The following AGBL1 variants were observed in gnomAD, a reference collection of about 807,000 sequenced individuals.
The protein encoded by AGBL1 is cytosolic carboxypeptidase 4.
A neutral mutation model predicts 118.9 loss-of-function variants in AGBL1; 130 were observed. The observed-to-expected ratio is 1.09, with a 90% CI of 0.95 to 1.26. The LOEUF (loss-of-function observed/expected upper bound fraction) is 1.26, where lower values mean the gene tolerates loss of function less well. Among genes scored for constraint, AGBL1 ranks in the 50% most tolerant of loss-of-function variants. The pLI is 0.00. For synonymous variants in AGBL1, 555 were observed against 478.9 expected, an observed-to-expected ratio of 1.16 and a Z score of -2.08; for missense variants, 1,584 against 1,298.1, an observed-to-expected ratio of 1.22 and a Z score of -3.38.
chr15:86,823,391 A>G (rs932806484), intron 22 of AGBL1, among the ~76,000 whole-genome samples: 8 of 152,266 alleles, frequency 5.3e-5, no homozygotes, highest in African/African-American at 1.4e-4. Context: ...CTGCAGGACA[A>G]CAGTCTGTCA....
chr15:86,141,165 T>C (rs1404393131), intron 1 of AGBL1, among the ~76,000 whole-genome samples: 1 of 152,220 alleles, frequency 6.6e-6, no homozygotes, highest in African/African-American at 2.4e-5. Context: ...ACACTGTCTC[T>C]GAATTCAGGG....
At chr15:86,785,621 G>T (rs188085221) in intron 22 of AGBL1, among the ~76,000 whole-genome samples, 1 of 152,176 alleles carries the variant, frequency 6.6e-6, no homozygotes, top group African/African-American at 2.4e-5. Flanking sequence ...ACCCGCCTTG[G>T]CCCCCCGAAG....
At chr15:86,370,895 C>T (rs80085385) in intron 17 of AGBL1, among the ~76,000 whole-genome samples, 2,442 of 152,334 alleles carry the variant, frequency 0.016, 26 homozygotes, top group Middle Eastern at 0.065. Context: ...AAAGTGATCA[C>T]AGAAGGCACC....
At chr15:86,793,433 G>T (rs373643398) in intron 22 of AGBL1, among the ~76,000 whole-genome samples, 64 of 152,246 alleles carry the variant, frequency 4.2e-4, no homozygotes, top group African/African-American at 1.5e-3. Context: ...GCAAAAGAAT[G>T]AATTTGGACC....
intron 22 of AGBL1, among the ~76,000 whole-genome samples, chr15:86,894,232 A>G (rs757540511): frequency 6.6e-6 from 1 of 152,192 alleles, no homozygotes; most frequent in Non-Finnish European, 1.5e-5. Context: ...GCATGATGCT[A>G]TAATGCTATT....
At chr15:86,865,077 G>A (rs2141488606) in intron 22 of AGBL1, among the ~76,000 whole-genome samples, 1 of 152,264 alleles carries the variant, frequency 6.6e-6, no homozygotes, top group East Asian at 1.9e-4. Flanking sequence ...GTACCCCTAA[G>A]AGTGCTGATC....
At chr15:86,788,549 G>T (rs986132169) in intron 22 of AGBL1, among the ~76,000 whole-genome samples, 1 of 152,170 alleles carries the variant, frequency 6.6e-6, no homozygotes, top group Non-Finnish European at 1.5e-5. Context: ...TAGGGATATA[G>T]CAGTGAACAA....
intron 5 of AGBL1, among the ~76,000 whole-genome samples, chr15:86,176,447 G>A (rs780103525): frequency 2.6e-5 from 4 of 152,216 alleles, no homozygotes; most frequent in Non-Finnish European, 5.9e-5. Context: ...CAGTCAGGTG[G>A]CTCTCAGGTT....
chr15:86,494,748 C>T (rs2082826052), intron 18 of AGBL1, among the ~76,000 whole-genome samples: 1 of 152,016 alleles, frequency 6.6e-6, no homozygotes, highest in Non-Finnish European at 1.5e-5. Flanking sequence ...TACTCTAGAA[C>T]ATTGACCTTT....
intron 17 of AGBL1, among the ~76,000 whole-genome samples, chr15:86,354,980 G>C (rs1025322554): frequency 5.9e-5 from 9 of 152,210 alleles, no homozygotes; most frequent in African/African-American, 2.2e-4. Context: ...AGGAAGCTGA[G>C]AGAGACACCT....
chr15:86,121,606 T>A (rs1401540986), intron 1 of AGBL1, among the ~76,000 whole-genome samples: 1 of 152,248 alleles, frequency 6.6e-6, no homozygotes, highest in East Asian at 1.9e-4. Context: ...ATAGTCATAT[T>A]AAAGAACTGA....
chr15:86,146,873 A>G (rs968894951), intron 3 of AGBL1, among the ~76,000 whole-genome samples: 1 of 152,200 alleles, frequency 6.6e-6, no homozygotes, highest in African/African-American at 2.4e-5. Flanking sequence ...CCAGAGGTAC[A>G]TATCAGTAAA....
chr15:86,100,484 T>C (rs1896648744), intron 1 of AGBL1, among the ~76,000 whole-genome samples: 1 of 152,086 alleles, frequency 6.6e-6, no homozygotes, highest in Non-Finnish European at 1.5e-5. Flanking sequence ...AAACCCAGTC[T>C]CCCGTCTTTT....
Position 86,447,952 on chromosome 15 carries a change from A to G in AGBL1, c.2555+50406A>G, listed in dbSNP as rs144232134. On this transcript the variant is annotated intron_variant, in intron 18 of 22. Coordinates refer to ENST00000614907, the MANE Select transcript of AGBL1 (RefSeq NM_001386094.1). ...TTGAGCTCAGGAATTTGAGATCGAC[A>G]TGGGCAACATAACGAGACCTCGACT... 3.1e-3 allele frequency among the ~76,000 whole-genome samples: 471 copies of G among 152,174 alleles called. 1 individual carries two copies. The highest frequency in any genetic ancestry group is 0.011 in the African/African-American group (441 of 41,540).
Position 86,888,371 on chromosome 15 carries a change from A to T in AGBL1, c.3159-18716A>T, listed in dbSNP as rs568398752. Reference sequence around the variant, plus strand: ...GGAGCTCTCTTCAAAAGAAAAAAAAAAAAAGAATGCACCAATCCACATAAA... The same window carrying T: ...GGAGCTCTCTTCAAAAGAAAAAAAATAAAAGAATGCACCAATCCACATAAA... On this transcript the variant is annotated intron_variant, in intron 22 of 22. Transcript: ENST00000614907. Among the ~76,000 whole-genome samples, 1,116 of 152,242 alleles carry T rather than the reference A, an allele frequency of 7.3e-3. 24 individuals carry two copies. The highest frequency in any genetic ancestry group is 0.025 in the African/African-American group (1,055 of 41,550).
At chr15:86,925,420 A>G (rs535777819) in intron 23 of AGBL1, among the ~76,000 whole-genome samples, 1 of 152,314 alleles carries the variant, frequency 6.6e-6, no homozygotes, top group Admixed American at 6.5e-5. Flanking sequence ...TAGGGCAAAG[A>G]AGAAGCATTA....
chr15:86,355,401 G>A (rs750049247), intron 17 of AGBL1, among the ~76,000 whole-genome samples: 4 of 152,086 alleles, frequency 2.6e-5, no homozygotes, highest in Admixed American at 6.6e-5. Flanking sequence ...ACCAAGGATT[G>A]GTCTGGAAGC....
intron 19 of AGBL1, among the ~76,000 whole-genome samples, chr15:86,537,585 G>A (rs910542142): frequency 6.6e-6 from 1 of 152,178 alleles, no homozygotes; most frequent in African/African-American, 2.4e-5. Flanking sequence ...GTGGAAAAAC[G>A]CAAGACCACT....
At chr15:86,463,861 A>C (rs2082363763) in intron 18 of AGBL1, among the ~76,000 whole-genome samples, 1 of 152,152 alleles carries the variant, frequency 6.6e-6, no homozygotes, top group Non-Finnish European at 1.5e-5. Context: ...TATAGTTTGA[A>C]GTCAGGTAGC....
Sources: gnomAD v4.1 joint callset for allele counts (sites outside exome capture counted in the v4.1 genomes callset) on GRCh38, gnomAD v4.1.1 for gene constraint, MANE v1.5 for transcripts, NCBI Gene and HGNC (gene_info 2026-07-23, HGNC 2026-07-21) for gene names.